The following CREB3L2 variants were observed in gnomAD, a reference collection of about 807,000 sequenced individuals.
CREB3L2 encodes cAMP responsive element binding protein 3 like 2, also known as cyclic AMP-responsive element-binding protein 3-like protein 2.
In CREB3L2, 23 loss-of-function variants were observed where a neutral mutation model predicts 57.2. The observed-to-expected ratio is 0.40, with a 90% CI of 0.29 to 0.57. CREB3L2 has a LOEUF of 0.57. CREB3L2 is among the 20% of genes least tolerant of loss of function. CREB3L2 has a pLI of 0.42. For synonymous variants in CREB3L2, 268 were observed against 265.1 expected (o/e 1.01, Z -0.11); for missense variants, 628 against 634.7 (o/e 0.99, Z 0.11).
At chr7:137,888,787 A>G (rs1462489679) in intron 8 of CREB3L2, among the ~76,000 whole-genome samples, 1 of 151,994 alleles carries the variant, frequency 6.6e-6, no homozygotes, top group Non-Finnish European at 1.5e-5. Flanking sequence ...GACAGCTGCC[A>G]CTTTTCCTGG....
chr7:137,977,083 T>A (rs1186954969), intron 1 of CREB3L2, among the ~76,000 whole-genome samples: 1 of 152,164 alleles, frequency 6.6e-6, no homozygotes, highest in Non-Finnish European at 1.5e-5. Flanking sequence ...AGACACCCCC[T>A]GAGCTTCCAC....
At chr7:137,916,118 G>A (rs1199855694) in intron 2 of CREB3L2, 106 bp from the exon 3 acceptor site, 10 of 773,088 alleles carry the variant, frequency 1.3e-5, no homozygotes, top group South Asian at 1.0e-4. Flanking sequence ...AGTGAAGGAT[G>A]ATTGAAAGTA....
At chr7:137,899,057 AAAAG>A (rs201354013) in intron 8 of CREB3L2, among the ~76,000 whole-genome samples, 1,909 of 147,946 alleles carry the variant, frequency 0.013, 95 homozygotes, top group African/African-American at 0.044. Flanking sequence ...GAAAGAAAGA[AAAAG>A]AAAGAGAAAG....
chr7:137,898,534 A>G (rs1799672735), intron 8 of CREB3L2, among the ~76,000 whole-genome samples: 1 of 152,240 alleles, frequency 6.6e-6, no homozygotes, highest in African/African-American at 2.4e-5. Flanking sequence ...ATAGAATTCT[A>G]TAAGGCTACT....
chr7:137,906,173 G>GATTT (rs2117206394), intron 5 of CREB3L2, among the ~76,000 whole-genome samples: 1 of 152,346 alleles, frequency 6.6e-6, no homozygotes, highest in East Asian at 1.9e-4. Context: ...CATCCCTAGA[G>GATTT]ATTTCCTGGC....
At chr7:137,881,377 T>C (rs1799287474) in intron 11 of CREB3L2, among the ~76,000 whole-genome samples, 8 of 152,190 alleles carry the variant, frequency 5.3e-5, no homozygotes, top group Admixed American at 5.2e-4. Flanking sequence ...CACTGAAGCA[T>C]TTTGCATTTT....
rs1459531489 is a variant in CREB3L2, at chr7:137,877,704, A to C, written c.*2772T>G. 4.4e-6 allele frequency: 1 copy of C among 227,578 alleles called. No homozygotes were observed. The highest frequency in any genetic ancestry group is 8.7e-6 in the Non-Finnish European group (1 of 114,724). The allele number at this position is 227,578 out of a possible 1,614,324, so 14.1% of individuals were successfully genotyped here. On this transcript the variant is annotated 3_prime_UTR_variant, in exon 12 of 12. Coordinates refer to ENST00000330387, the MANE Select transcript of CREB3L2 (RefSeq NM_194071.4). ...CCGCTCTGACAGACTCGTATTTCTC[A>C]AAACTTACATTCAGAAGACACTGTC...
chr7:137,882,684 A>T lies in CREB3L2; in HGVS notation c.1271-56T>A. 3 of 1,246,588 alleles carry T rather than the reference A, an allele frequency of 2.4e-6. 1 individual carries two copies. In the South Asian group the frequency reaches 4.7e-5, roughly 19 times the overall value. 77.2% of individuals were successfully genotyped at this position (1,246,588 alleles called of 1,614,324 possible). A position where few individuals can be genotyped will look rare whatever the true frequency, so the allele number is the denominator to read the frequency against. On this transcript the variant is annotated intron_variant, in intron 10 of 11. Coordinates refer to ENST00000330387, the MANE Select transcript of CREB3L2 (RefSeq NM_194071.4). ...GCAAAAGACCACAGGGGTCCAACAC[A>T]TTCCCTCACTCCAGGTGCTCAGGGC... is the stretch of plus-strand genomic sequence containing the variant.
chr7:137,932,922 C>T (rs779624482), intron 1 of CREB3L2, among the ~76,000 whole-genome samples: 4 of 152,230 alleles, frequency 2.6e-5, no homozygotes, highest in Non-Finnish European at 4.4e-5. Context: ...CCTAAGCCGT[C>T]GCTTCTGACT....
At chr7:137,989,431 AGTTT>A (rs1563275133) in intron 1 of CREB3L2, among the ~76,000 whole-genome samples, 1 of 66,332 alleles carries the variant, frequency 1.5e-5, no homozygotes, top group African/African-American at 4.7e-5. Flanking sequence ...GCTTTTCTCC[AGTTT>A]TTTTTTTTTT....
rs73729085 is a variant in CREB3L2, at chr7:137,877,115, A to G, written c.*3361T>C. The G allele has an allele frequency of 0.025, 5,776 of 229,224 alleles. 268 individuals carry two copies. Among genetic ancestry groups the G allele is most frequent in the African/African-American group, 0.11 (4,874 of 45,190 alleles). The allele number at this position is 229,224 out of a possible 1,614,324, so 14.2% of individuals were successfully genotyped here. A position where few individuals can be genotyped will look rare whatever the true frequency, so the allele number is the denominator to read the frequency against. ...TTGACTCACTGCCAGAACAAAGAAGAGCCAATTCAACATCCCAACTTTACG... is the reference window on the plus strand; with the variant it reads ...TTGACTCACTGCCAGAACAAAGAAGGGCCAATTCAACATCCCAACTTTACG... On this transcript the variant is annotated 3_prime_UTR_variant, in exon 12 of 12. Transcript: ENST00000330387.
intron 8 of CREB3L2, among the ~76,000 whole-genome samples, chr7:137,897,031 C>T (rs1799641187): frequency 6.6e-6 from 1 of 151,996 alleles, no homozygotes; most frequent in Admixed American, 6.5e-5. Flanking sequence ...ATCTACTGTA[C>T]AGCATGGTGA....
In CREB3L2 at chr7:137,908,236, C is replaced by T; in HGVS notation, c.768+16G>A. 1 of 1,254,242 alleles carries T rather than the reference C, an allele frequency of 8.0e-7. No individual in the cohort carries two copies. 77.7% of individuals were successfully genotyped at this position (1,254,242 alleles called of 1,614,324 possible). ...GAGGGTTCCCTTTGGTCCAGGAATG[C>T]CCGCTGCATACTTACATGAGGAGCC... On this transcript the variant is annotated intron_variant, in intron 5 of 11. Coordinates refer to ENST00000330387, the MANE Select transcript of CREB3L2 (RefSeq NM_194071.4).
At chr7:137,993,109 G>C (rs1020579133) in intron 1 of CREB3L2, among the ~76,000 whole-genome samples, 1 of 152,078 alleles carries the variant, frequency 6.6e-6, no homozygotes, top group African/African-American at 2.4e-5. Flanking sequence ...ATAATGACAG[G>C]CTCTCTCCAC....
At chr7:137,991,937 G>A (rs1437865327) in intron 1 of CREB3L2, among the ~76,000 whole-genome samples, 4 of 149,716 alleles carry the variant, frequency 2.7e-5, no homozygotes, top group African/African-American at 7.4e-5. Context: ...ATCCTCCAAA[G>A]AAAAACTCTC....
chr7:137,975,225 T>G (rs1469766753), intron 1 of CREB3L2, among the ~76,000 whole-genome samples: 1 of 152,160 alleles, frequency 6.6e-6, no homozygotes. Flanking sequence ...TGTACAGAAC[T>G]CAGGAGGAGT....
chr7:137,928,997 A>C (rs1173558714), intron 1 of CREB3L2, among the ~76,000 whole-genome samples: 1 of 152,166 alleles, frequency 6.6e-6, no homozygotes, highest in Non-Finnish European at 1.5e-5. Context: ...TAAATAAGCA[A>C]TCCTCTGTTT....
At position 137,928,150 on chromosome 7, in the gene CREB3L2, C is replaced by A; in HGVS notation, c.319G>T (p.Asp107Tyr). ...HITTSDSFND[D>Y]EVESEKWYLS... ...GGTCTTCCTCCTCCTCTGAGTTTAC[C>A]GTCATTGAAGCTGTCACTGGTGGTA... The change falls in exon 2 of 12, where the codon GAT becomes TAT. Residue 107 changes from aspartate (D) to tyrosine (Y), a missense_variant and splice_region_variant. Transcript: ENST00000330387. 1 of 1,536,276 alleles carries A rather than the reference C, an allele frequency of 6.5e-7. No individual in the cohort carries two copies. The highest frequency in any genetic ancestry group is 1.2e-5 in the South Asian group (1 of 84,640).
At chr7:137,899,315 C>A (rs1469759199) in intron 8 of CREB3L2, among the ~76,000 whole-genome samples, 2 of 152,162 alleles carry the variant, frequency 1.3e-5, no homozygotes, top group African/African-American at 4.8e-5. Context: ...CAGGGAAGGC[C>A]TGACACGGAG....
Sources: gnomAD v4.1 joint callset for allele counts (sites outside exome capture counted in the v4.1 genomes callset) on GRCh38, gnomAD v4.1.1 for gene constraint, MANE v1.5 for transcripts, NCBI Gene and HGNC (gene_info 2026-07-23, HGNC 2026-07-21) for gene names.